The following STK10 variants were observed in gnomAD, a reference collection of about 807,000 sequenced individuals.
The protein encoded by STK10 is serine/threonine kinase 10.
STK10 carries 78 observed loss-of-function variants against 113.8 expected under a neutral mutation model. The ratio of observed to expected loss-of-function variants is 0.69; its 90% CI spans 0.57 to 0.83. STK10 has a LOEUF of 0.83. Ranked by LOEUF, STK10 falls within the 40% of genes least tolerant of loss-of-function variation. The pLI is 0.00. For synonymous variants in STK10, 465 were observed against 494.7 expected, an observed-to-expected ratio of 0.94 and a Z score of 0.80; for missense variants, 1,109 against 1,280.1, an observed-to-expected ratio of 0.87 and a Z score of 2.04.
chr5:172,085,946 C>G (rs1354537840), intron 10 of STK10, among the ~76,000 whole-genome samples: 1 of 152,030 alleles, frequency 6.6e-6, no homozygotes, highest in Non-Finnish European at 1.5e-5. Flanking sequence ...GAACTGCCCC[C>G]CAAGAGCAGC....
intron 12 of STK10, among the ~76,000 whole-genome samples, chr5:172,080,769 G>A (rs1375171586): frequency 6.6e-6 from 1 of 150,936 alleles, no homozygotes; most frequent in Admixed American, 6.6e-5. Flanking sequence ...ACGTGAAAGT[G>A]CAAGGTGCAG....
intron 4 of STK10, among the ~76,000 whole-genome samples, chr5:172,112,251 A>G (rs1269916224): frequency 6.6e-6 from 1 of 152,198 alleles, no homozygotes; most frequent in African/African-American, 2.4e-5. Flanking sequence ...GTACTCCAGT[A>G]GAAGATTATC....
chr5:172,135,391 A>G (rs961304993), intron 2 of STK10, among the ~76,000 whole-genome samples: 2 of 152,190 alleles, frequency 1.3e-5, no homozygotes, highest in Non-Finnish European at 2.9e-5. Flanking sequence ...ACACGCCTGT[A>G]GTCCCAGTTA....
At chr5:172,135,215 T>C (rs932456729) in intron 2 of STK10, among the ~76,000 whole-genome samples, 1 of 152,048 alleles carries the variant, frequency 6.6e-6, no homozygotes, top group African/African-American at 2.4e-5. Context: ...ATGCTCAGAA[T>C]TAAAAACATG....
chr5:172,116,639 G>A (rs3111488), intron 4 of STK10, among the ~76,000 whole-genome samples: 24,398 of 151,824 alleles, frequency 0.16, 2,297 homozygotes, highest in African/African-American at 0.26. Context: ...AGGCCGAGGC[G>A]GGTGGTTCAC....
At position 172,044,965 on chromosome 5, in the gene STK10, T is replaced by C; in HGVS notation, c.2824A>G (p.Ser942Gly). 3 of 1,614,162 alleles carry C rather than the reference T, an allele frequency of 1.9e-6. No homozygotes were observed. Among genetic ancestry groups the C allele is most frequent in the Non-Finnish European group, 2.5e-6 (3 of 1,180,026 alleles). ...KREQEMFFKL[S>G]EEAECPNPST... ...GGGTTTGGGCACTCCGCCTCCTCGC[T>C]CAGCTTGAAGAACATCTCCTGCTCC... is the stretch of plus-strand genomic sequence containing the variant. The change falls in exon 19 of 19, where the codon AGC becomes GGC. Residue 942 changes from serine to glycine, a missense_variant. By Grantham distance (56) the Ser-to-Gly change is moderately conservative. Around this residue, in one of 5 missense-constraint regions of STK10, gnomAD observed 885 missense variants for 991.1 expected, o/e 0.89. Coordinates refer to ENST00000176763, the MANE Select transcript of STK10 (RefSeq NM_005990.4). The surrounding 1 kb of genome is among the most constrained non-coding windows in gnomAD (Gnocchi z 4.5).
chr5:172,155,104 A>AGTGGGTGGCTGG (rs1770321012), intron 2 of STK10, among the ~76,000 whole-genome samples: 1 of 13,756 alleles, frequency 7.3e-5, no homozygotes, highest in African/African-American at 3.5e-4. Context: ...ATGGACAGAA[A>AGTGGGTGGCTGG]GTGGGTGGCT....
chr5:172,168,146 G>A (rs1014350384), intron 1 of STK10, among the ~76,000 whole-genome samples: 3 of 152,180 alleles, frequency 2.0e-5, no homozygotes, highest in Non-Finnish European at 4.4e-5. Context: ...CTGGACGGCC[G>A]TGCCAGGCAT....
intron 3 of STK10, among the ~76,000 whole-genome samples, chr5:172,118,878 CAAA>C (rs3028101): frequency 2.8e-5 from 2 of 71,304 alleles, no homozygotes; most frequent in African/African-American, 1.0e-4. Context: ...GACTCAGTCT[CAAA>C]AAAAAAAAAA....
intron 4 of STK10, among the ~76,000 whole-genome samples, chr5:172,114,157 T>C (rs1378607165): frequency 1.3e-5 from 2 of 151,916 alleles, no homozygotes; most frequent in African/African-American, 4.8e-5. Flanking sequence ...GATCCGACTT[T>C]TCTGCAGACA....
chr5:172,053,913 T>C lies in STK10; in HGVS notation c.2652+656A>G, dbSNP rs148438419. Among the ~76,000 whole-genome samples, 694 of 152,306 alleles carry C rather than the reference T, an allele frequency of 4.6e-3. 6 individuals carry two copies. The highest frequency in any genetic ancestry group is 0.016 in the African/African-American group (672 of 41,574). The stretch of plus-strand genomic sequence containing the variant: ...AGGCAGGGATCACCCGAGGCAGGGA[T>C]AGGAAAACGGATGCGGAAGGTGAAT... On this transcript the variant is annotated intron_variant, in intron 17 of 18. Transcript: ENST00000176763.
intron 1 of STK10, among the ~76,000 whole-genome samples, chr5:172,158,811 C>T (rs1770406351): frequency 6.6e-6 from 1 of 152,060 alleles, no homozygotes; most frequent in Non-Finnish European, 1.5e-5. Context: ...TGTATAATTC[C>T]ACTTACCTGA....
intron 9 of STK10, among the ~76,000 whole-genome samples, chr5:172,091,621 C>T (rs774587050): frequency 4.0e-5 from 6 of 151,800 alleles, no homozygotes; most frequent in Non-Finnish European, 8.8e-5. Context: ...ACCTCTGCCT[C>T]CCGGATTCAA....
chr5:172,052,107 G>T (rs1767641559), intron 18 of STK10, among the ~76,000 whole-genome samples: 1 of 152,180 alleles, frequency 6.6e-6, no homozygotes, highest in Non-Finnish European at 1.5e-5. Context: ...GCTATCCCGT[G>T]ACCCTGATTT....
intron 1 of STK10, among the ~76,000 whole-genome samples, chr5:172,175,361 G>C (rs563631770): frequency 6.6e-6 from 1 of 152,288 alleles, no homozygotes; most frequent in South Asian, 2.1e-4. Context: ...GGAAGAGAAA[G>C]AGTGAAGTGG....
intron 12 of STK10, among the ~76,000 whole-genome samples, chr5:172,072,732 T>C (rs60823611): frequency 0.21 from 31,969 of 152,118 alleles, 4,384 homozygotes; most frequent in African/African-American, 0.38. Context: ...TCCTCTCTAC[T>C]ATTCCTATTC....
chr5:172,124,336 C>T (rs948032033), intron 3 of STK10, among the ~76,000 whole-genome samples: 1 of 152,186 alleles, frequency 6.6e-6, no homozygotes, highest in Non-Finnish European at 1.5e-5. Context: ...ACATCCCAGA[C>T]CTTTCCCCCA....
intron 17 of STK10, chr5:172,053,332 C>A: frequency 2.9e-6 from 1 of 344,238 alleles, no homozygotes; most frequent in Admixed American, 4.3e-5. Context: ...GTCCGCAAGC[C>A]AGGAAGGGAG....
intron 13 of STK10, chr5:172,063,526 G>A (rs1369977563): frequency 6.6e-6 from 1 of 152,206 alleles, no homozygotes; most frequent in African/African-American, 2.4e-5. Flanking sequence ...GAAAATCCAA[G>A]CCAAAGGATG....
Sources: gnomAD v4.1 joint callset for allele counts (sites outside exome capture counted in the v4.1 genomes callset) on GRCh38, gnomAD v4.1.1 for gene constraint, gnomAD v4.1.1 regional missense constraint, Gnocchi (gnomAD v3.1) non-coding constraint, MANE v1.5 for transcripts, NCBI Gene and HGNC (gene_info 2026-07-23, HGNC 2026-07-21) for gene names.